PRF1: variants seen among roughly 807,000 people sequenced by gnomAD.
The protein encoded by PRF1 is perforin-1.
In PRF1, 11 loss-of-function variants were observed where a neutral mutation model predicts 11.7. The observed-to-expected ratio is 0.94, with a 90% CI of 0.59 to 1.56. The LOEUF (loss-of-function observed/expected upper bound fraction) is 1.56, where lower values mean the gene tolerates loss of function less well. PRF1 is among the 40% of genes most tolerant of loss of function. The pLI is 0.00. For synonymous variants in PRF1, 314 were observed against 327.8 expected (o/e 0.96, Z 0.45); for missense variants, 729 against 751.0 (o/e 0.97, Z 0.34).
chr10:70,600,728 A>G lies in PRF1; in HGVS notation c.175T>C (p.Phe59Leu), dbSNP rs1355807520. The change falls in exon 2 of 3, where the codon TTC becomes CTC. Residue 59 changes from phenylalanine to leucine, a missense_variant. Coordinates refer to ENST00000441259, the MANE Select transcript of PRF1 (RefSeq NM_001083116.3). This position sits in a 1 kb window ranked among gnomAD's most constrained non-coding sequence, Gnocchi z 4.9. ...DVTSLRRSGS[F>L]PVDTQRFLRP... ...AGGAACCTTTGTGTGTCCACTGGGA[A>G]GGAGCCCGAGCGGCGGAGGCTGGTC... is the stretch of plus-strand genomic sequence containing the variant. 1 of 1,613,626 alleles carries G rather than the reference A, an allele frequency of 6.2e-7. No homozygotes were observed. The highest frequency in any genetic ancestry group is 1.7e-5 in the Admixed American group (1 of 59,996).
chr10:70,598,438 C>A lies in PRF1; in HGVS notation c.1283G>T (p.Trp428Leu), dbSNP rs747646127. 1.9e-5 allele frequency: 30 copies of A among 1,613,758 alleles called. No homozygotes were observed. The highest frequency in any genetic ancestry group is 8.0e-5 in the African/African-American group (6 of 74,940). Residue 428 changes from tryptophan to leucine, a missense_variant, in exon 3 of 3, where the codon TGG becomes TTG. Physicochemically the swap from Trp to Leu is moderately conservative, Grantham distance 61 (BLOSUM62 -2). Coordinates refer to ENST00000441259, the MANE Select transcript of PRF1 (RefSeq NM_001083116.3). Reference sequence around the variant, plus strand: ...ATCCGTGGCAGTGAACCAGTCCCCCCACAGGCCCCATGCTTGGATGAAGGT... The same window carrying A: ...ATCCGTGGCAGTGAACCAGTCCCCCAACAGGCCCCATGCTTGGATGAAGGT... ...EVTFIQAWGL[W>L]GDWFTATDAY...
chr10:70,600,648 G>C lies in PRF1; in HGVS notation c.255C>G (p.Leu85=). The change falls in exon 2 of 3, where the codon CTC becomes CTG. Residue 85 remains leucine, a synonymous_variant. Coordinates refer to ENST00000441259, the MANE Select transcript of PRF1 (RefSeq NM_001083116.3). This position sits in a 1 kb window ranked among gnomAD's most constrained non-coding sequence, Gnocchi z 4.9. The part of the protein sequence containing the change: ...LCENALQEGT[L]QRLPLALTNW... Reference sequence around the variant, plus strand: ...TGGTGAGCGCCAGAGGCAGGCGCTGGAGGGTGCCCTCCTGTAGGGCATTTT... The same window carrying C: ...TGGTGAGCGCCAGAGGCAGGCGCTGCAGGGTGCCCTCCTGTAGGGCATTTT... The C allele has an allele frequency of 1.2e-6, 2 of 1,613,630 alleles. No individual in the cohort carries two copies. The highest frequency in any genetic ancestry group is 1.7e-6 in the Non-Finnish European group (2 of 1,179,774).
rs999353039 is a variant in PRF1 at position 70,599,297 on chromosome 10, C to T, written c.540-116G>A. ...TAAGTGGGCAGAACTAGGACTGGAA[C>T]CCAGGGGCCCGGCTCCAGAGCACAA... is the stretch of plus-strand genomic sequence containing the variant. On this transcript the variant is annotated intron_variant, in intron 2 of 2. Transcript: ENST00000441259. 8.9e-6 allele frequency: 12 copies of T among 1,343,576 alleles called. No individual in the cohort carries two copies. In the African/African-American group the frequency reaches 1.6e-4, roughly 18 times the overall value. The allele number at this position is 1,343,576 out of a possible 1,614,324, so 83.2% of individuals were successfully genotyped here.
intron 2 of PRF1, among the ~76,000 whole-genome samples, chr10:70,599,772 G>T (rs1383663757): frequency 1.3e-5 from 2 of 152,186 alleles, no homozygotes; most frequent in Admixed American, 6.5e-5. Flanking sequence ...TGGCCCCCAG[G>T]TCTGATGAAT....
Position 70,600,787 on chromosome 10 carries a change from G to T in PRF1, c.116C>A (p.Pro39His), listed in dbSNP as rs1415842374. The change falls in exon 2 of 3, where the codon CCT becomes CAT. Residue 39 changes from proline to histidine, a missense_variant. By Grantham distance (77) the Pro-to-His change is moderately conservative (BLOSUM62 -2). Transcript: ENST00000441259. The surrounding 1 kb of genome is among the most constrained non-coding windows in gnomAD (Gnocchi z 4.9). ...SECKRSHKFV[P>H]GAWLAGEGVD... ...ACCCTCCCCGGCCAGCCATGCACCA[G>T]GCACGAACTTGTGGCTGCGCTTGCA... The T allele has an allele frequency of 3.7e-6, 6 of 1,611,030 alleles. No homozygotes were observed. The highest frequency in any genetic ancestry group is 5.1e-6 in the Non-Finnish European group (6 of 1,177,948).
At position 70,598,832 on chromosome 10, in the gene PRF1, G is replaced by A. The variant is rs755578676; in HGVS notation, c.889C>T (p.Arg297Trp). The change falls in exon 3 of 3, where the codon CGG becomes TGG. Residue 297 changes from arginine to tryptophan, a missense_variant. Transcript: ENST00000441259. ...CCAACCACTTCCGAGTGGCGCTCCC[G>A]GTAGGTTTGGTGGAAGGAGGCCGTC... ...KMTASFHQTY[R>W]ERHSEVVGGH... 3.1e-6 allele frequency: 5 copies of A among 1,614,216 alleles called. No individual in the cohort carries two copies. Among genetic ancestry groups the A allele is most frequent in the Admixed American group, 3.3e-5 (2 of 60,036 alleles).
Position 70,600,664 on chromosome 10 carries a change from AG to A in PRF1, c.238del (p.Leu80TyrfsTer27). On this transcript the variant is annotated frameshift_variant, in exon 2 of 3. Transcript: ENST00000441259. LOFTEE classifies it high-confidence loss of function. This position sits in a 1 kb window ranked among gnomAD's most constrained non-coding sequence, Gnocchi z 4.9. Reference sequence around the variant, plus strand: ...CAGGCGCTGGAGGGTGCCCTCCTGTAGGGCATTTTCACAGAGGGTGCAGGTG... The same window carrying A: ...CAGGCGCTGGAGGGTGCCCTCCTGTAGGCATTTTCACAGAGGGTGCAGGTG... ...DGTCTLCENA[L>X]QEGTLQRLPL... 2.5e-6 allele frequency: 4 copies of A among 1,613,760 alleles called. No individual in the cohort carries two copies. The highest frequency in any genetic ancestry group is 3.4e-6 in the Non-Finnish European group (4 of 1,179,886).
rs1490499585 is a variant in PRF1, at chr10:70,600,432, A to C, written c.471T>G (p.Phe157Leu). ...GGTCCTGGTGGGTCTTCTGGGCTGCAAAGTTGGCTGCCTGTGAGTGTGAGC... is the reference window on the plus strand; with the variant it reads ...GGTCCTGGTGGGTCTTCTGGGCTGCCAAGTTGGCTGCCTGTGAGTGTGAGC... ...VAGSHSQAAN[F>L]AAQKTHQDQY... Residue 157 changes from phenylalanine (F) to leucine (L), a missense_variant, in exon 2 of 3, where the codon TTT becomes TTG. By Grantham distance (22) the Phe-to-Leu change is conservative. Coordinates refer to ENST00000441259, the MANE Select transcript of PRF1 (RefSeq NM_001083116.3). This position sits in a 1 kb window ranked among gnomAD's most constrained non-coding sequence, Gnocchi z 4.9. 1 of 1,614,042 alleles carries C rather than the reference A, an allele frequency of 6.2e-7. No individual in the cohort carries two copies. Among genetic ancestry groups the C allele is most frequent in the Non-Finnish European group, 8.5e-7 (1 of 1,180,042 alleles).
In PRF1 at chr10:70,600,714, T is replaced by G. The variant is rs759983785; in HGVS notation, c.189A>C (p.Thr63=). The part of the protein sequence containing the change: ...LRRSGSFPVD[T]QRFLRPDGTC... ...TGCCGTCGGGCCGCAGGAACCTTTG[T>G]GTGTCCACTGGGAAGGAGCCCGAGC... The change falls in exon 2 of 3, where the codon ACA becomes ACC. Residue 63 remains threonine (T), a synonymous_variant. Coordinates refer to ENST00000441259, the MANE Select transcript of PRF1 (RefSeq NM_001083116.3). This position sits in a 1 kb window ranked among gnomAD's most constrained non-coding sequence, Gnocchi z 4.9. The G allele has an allele frequency of 4.7e-5, 76 of 1,613,792 alleles. No homozygotes were observed. The highest frequency in any genetic ancestry group is 6.3e-5 in the Non-Finnish European group (74 of 1,179,936).
Position 70,600,307 on chromosome 10 carries a change from A to G in PRF1, c.539+57T>C, listed in dbSNP as rs181784220. ...GACTCTGCCTTTCCAGGGCTCCTAG[A>G]CCACCCAGAGTTTCCCGCGCCTTTT... On this transcript the variant is annotated intron_variant, in intron 2 of 2. Transcript: ENST00000441259. This position sits in a 1 kb window ranked among gnomAD's most constrained non-coding sequence, Gnocchi z 4.9. The G allele has an allele frequency of 1.7e-4, 279 of 1,605,730 alleles. No individual in the cohort carries two copies. In the African/African-American group the frequency reaches 3.3e-3, roughly 19 times the overall value.
chr10:70,601,040 T>C, intron 1 of PRF1, 108 bp from the exon 2 acceptor site: 2 of 1,419,254 alleles, frequency 1.4e-6, no homozygotes, highest in Non-Finnish European at 1.9e-6. Context: ...CTTAAGTCAT[T>C]ATTCAATGAA....
Position 70,600,971 on chromosome 10 carries a change from C to T in PRF1, c.-30-39G>A, listed in dbSNP as rs1848223040. The T allele has an allele frequency of 7.8e-6, 12 of 1,538,462 alleles. No individual in the cohort carries two copies. The highest frequency in any genetic ancestry group is 4.9e-5 in the East Asian group (2 of 41,210). On this transcript the variant is annotated intron_variant, in intron 1 of 2. Transcript: ENST00000441259. This position sits in a 1 kb window ranked among gnomAD's most constrained non-coding sequence, Gnocchi z 4.9. ...GGTGGAGGGATGGAGGATGACTGCT[C>T]CCTTCCCCCACAGCCACAGATTATC...
Position 70,601,000 on chromosome 10 carries a change from G to A in PRF1, c.-30-68C>T, listed in dbSNP as rs1384793764. On this transcript the variant is annotated intron_variant, in intron 1 of 2. Transcript: ENST00000441259. The surrounding 1 kb of genome is among the most constrained non-coding windows in gnomAD (Gnocchi z 4.9). The stretch of plus-strand genomic sequence containing the variant: ...TCCCCCACAGCCACAGATTATCAGG[G>A]CACATGGAAGGGGAGGGGCTGAGAT... The A allele has an allele frequency of 9.2e-6, 14 of 1,521,756 alleles. No individual in the cohort carries two copies. Among genetic ancestry groups the A allele is most frequent in the Non-Finnish European group, 1.2e-5 (14 of 1,137,198 alleles). The allele number at this position is 1,521,756 out of a possible 1,614,324, so 94.3% of individuals were successfully genotyped here.
Position 70,598,183 on chromosome 10 carries a change from T to C in PRF1, c.1538A>G (p.Asn513Ser). 1 of 1,614,150 alleles carries C rather than the reference T, an allele frequency of 6.2e-7. No homozygotes were observed. Among genetic ancestry groups the C allele is most frequent in the Non-Finnish European group, 8.5e-7 (1 of 1,180,034 alleles). The change falls in exon 3 of 3, where the codon AAT becomes AGT. Residue 513 changes from asparagine to serine, a missense_variant. Transcript: ENST00000441259. The stretch of plus-strand genomic sequence containing the variant: ...ATAGCGGAATTTTAGGTGGCCATGA[T>C]TCAGGTTGCATCTCACCTCATGGGA... ...SGSHEVRCNL[N>S]HGHLKFRYHA...
rs765594736 is a variant in PRF1 at position 70,598,707 on chromosome 10, C to T, written c.1014G>A (p.Leu338=). ...GCAGGGGTTCCAGGGTGTAGTCCAC[C>T]AGGCCAGGGCTGCCGGGCAGCGAGT... ...WVNSLPGSPG[L]VDYTLEPLHV... The change falls in exon 3 of 3, where the codon CTG becomes CTA. Residue 338 remains leucine, a synonymous_variant. Transcript: ENST00000441259. 3.1e-6 allele frequency: 5 copies of T among 1,614,078 alleles called. No individual in the cohort carries two copies. The highest frequency in any genetic ancestry group is 2.2e-5 in the South Asian group (2 of 91,086).
intron 2 of PRF1, 82 bp from the exon 3 acceptor site, chr10:70,599,263 G>A: frequency 6.5e-7 from 1 of 1,540,482 alleles, no homozygotes; most frequent in Non-Finnish European, 8.9e-7. Flanking sequence ...GACTGCTCAA[G>A]GTCACATGTA....
chr10:70,598,451 C>T lies in PRF1; in HGVS notation c.1270G>A (p.Ala424Thr), dbSNP rs2132475398. ...LAQLEVTFIQ[A>T]WGLWGDWFTA... ...AACCAGTCCCCCCACAGGCCCCATG[C>T]TTGGATGAAGGTCACCTCCAGCTGG... is the stretch of plus-strand genomic sequence containing the variant. The change falls in exon 3 of 3, where the codon GCA becomes ACA. Residue 424 changes from alanine (A) to threonine (T), a missense_variant. Coordinates refer to ENST00000441259, the MANE Select transcript of PRF1 (RefSeq NM_001083116.3). 1.9e-6 allele frequency: 3 copies of T among 1,613,778 alleles called. No individual in the cohort carries two copies. The highest frequency in any genetic ancestry group is 2.5e-6 in the Non-Finnish European group (3 of 1,180,024).
At chr10:70,602,576 T>C (rs1848246431) in intron 1 of PRF1, 69 bp downstream of exon 1, 1 of 149,020 alleles carries the variant, frequency 6.7e-6, no homozygotes, top group South Asian at 2.1e-4. Flanking sequence ...GTCACAGCAC[T>C]TCCTGCTCCA....
chr10:70,601,028 C>A, intron 1 of PRF1, 96 bp from the exon 2 acceptor site: 1 of 1,456,784 alleles, frequency 6.9e-7, no homozygotes. Flanking sequence ...GCTGAGATAT[C>A]TCTTAAGTCA....
Sources: gnomAD v4.1 joint callset for allele counts (sites outside exome capture counted in the v4.1 genomes callset) on GRCh38, gnomAD v4.1.1 for gene constraint, Gnocchi (gnomAD v3.1) non-coding constraint, MANE v1.5 for transcripts, NCBI Gene and HGNC (gene_info 2026-07-23, HGNC 2026-07-21) for gene names.